Variants in MACC1 observed in about 807,000 individuals in gnomAD.
The protein encoded by MACC1 is MET transcriptional regulator MACC1, also known as metastasis-associated in colon cancer protein 1.
Under a neutral mutation model 70.7 loss-of-function variants are expected in MACC1, and 79 were observed. That is an observed-to-expected ratio of 1.12 (90% CI 0.93 to 1.35). MACC1 has a LOEUF of 1.35. MACC1 is among the 40% of genes most tolerant of loss of function. The pLI, the probability that MACC1 is intolerant of heterozygous loss-of-function variation, is 0.00. For synonymous variants in MACC1, 361 were observed against 347.2 expected (o/e 1.04, Z -0.44); for missense variants, 1,106 against 978.1 (o/e 1.13, Z -1.74).
At chr7:20,171,505 C>T (rs1003379568) in intron 1 of MACC1, among the ~76,000 whole-genome samples, 2 of 151,882 alleles carry the variant, frequency 1.3e-5, no homozygotes, top group Admixed American at 6.6e-5. Flanking sequence ...CCGCCTGCCT[C>T]GGCCTCCCAA....
At chr7:20,143,063 G>A (rs1053161983) in intron 6 of MACC1, among the ~76,000 whole-genome samples, 24 of 152,206 alleles carry the variant, frequency 1.6e-4, no homozygotes, top group African/African-American at 5.8e-4. Context: ...GGGTAATTTT[G>A]GGGTTGTCCA....
In MACC1 at chr7:20,137,541, A is replaced by T. The variant is rs1029322164; in HGVS notation, c.*3405T>A. 2 of 152,332 alleles carry T rather than the reference A, an allele frequency of 1.3e-5. No individual in the cohort carries two copies. Among genetic ancestry groups the T allele is most frequent in the Admixed American group, 6.5e-5 (1 of 15,314 alleles). The allele number at this position is 152,332 out of a possible 1,614,324, so 9.4% of individuals were successfully genotyped here. ...GGCACTTAATTCAAATCTTATCCTA[A>T]GTCACGCATCATTAGACAAAAAGCC... On this transcript the variant is annotated 3_prime_UTR_variant, in exon 7 of 7. Transcript: ENST00000400331.
In MACC1 at chr7:20,161,793, T is replaced by C; in HGVS notation, c.70A>G (p.Ile24Val). Residue 24 changes from isoleucine to valine, a missense_variant, in exon 4 of 7, where the codon ATT (isoleucine) becomes GTT (valine). By Grantham distance (29) the Ile-to-Val change is conservative. Transcript: ENST00000400331. Reference protein sequence around the residue: ...IAQSMSEANLIDMEAGKLSKS... With the variant: ...IAQSMSEANLVDMEAGKLSKS... ...GAGAGTTTTCCAGCTTCCATGTCAATCAAATTTGCTTCAGACATACTTTGT... is the reference window on the plus strand; with the variant it reads ...GAGAGTTTTCCAGCTTCCATGTCAACCAAATTTGCTTCAGACATACTTTGT... 6.2e-7 allele frequency: 1 copy of C among 1,612,624 alleles called. No individual in the cohort carries two copies. Among genetic ancestry groups the C allele is most frequent in the South Asian group, 1.1e-5 (1 of 91,016 alleles).
intron 1 of MACC1, among the ~76,000 whole-genome samples, chr7:20,207,490 A>G (rs1384429098): frequency 2.0e-5 from 3 of 152,034 alleles, no homozygotes; most frequent in South Asian, 2.1e-4. Flanking sequence ...CTTCTCCTCT[A>G]TAATATGGTG....
rs578170498 is a variant in MACC1, at chr7:20,202,135, AAT to A, written c.-218+15162_-218+15163del. On this transcript the variant is annotated intron_variant, in intron 1 of 6. Transcript: ENST00000400331. ...CCATGTCCGCACATCCAAGCCAGTG[AAT>A]AGTTTCTTCGACAATCATACCAAAG... is the stretch of plus-strand genomic sequence containing the variant. Among the ~76,000 whole-genome samples, 111 of 152,360 alleles carry A rather than the reference AAT, an allele frequency of 7.3e-4. 1 individual carries two copies. Among genetic ancestry groups the A allele is most frequent in the African/African-American group, 2.6e-3 (107 of 41,588 alleles).
chr7:20,176,691 G>A (rs1583397775), intron 1 of MACC1, among the ~76,000 whole-genome samples: 1 of 152,232 alleles, frequency 6.6e-6, no homozygotes, highest in African/African-American at 2.4e-5. Context: ...CCTTCAGTGA[G>A]TAAATGATTT....
chr7:20,179,984 G>A (rs1782475546), intron 1 of MACC1, among the ~76,000 whole-genome samples: 1 of 152,056 alleles, frequency 6.6e-6, no homozygotes, highest in Non-Finnish European at 1.5e-5. Flanking sequence ...TTTACTATGA[G>A]CTGTTTATTG....
At chr7:20,205,589 T>C (rs1479613642) in intron 1 of MACC1, among the ~76,000 whole-genome samples, 2 of 152,188 alleles carry the variant, frequency 1.3e-5, no homozygotes, top group Admixed American at 1.3e-4. Flanking sequence ...TCATTTGAAA[T>C]AATATTCTCC....
chr7:20,171,455 C>A (rs1431790465), intron 1 of MACC1, among the ~76,000 whole-genome samples: 1 of 151,196 alleles, frequency 6.6e-6, no homozygotes, highest in Non-Finnish European at 1.5e-5. Context: ...GGAATTTCAC[C>A]GTGTTAGCCA....
chr7:20,188,098 A>C (rs1034538342), intron 1 of MACC1, among the ~76,000 whole-genome samples: 2 of 152,134 alleles, frequency 1.3e-5, no homozygotes, highest in African/African-American at 4.8e-5. Context: ...AAACCACAAG[A>C]TCTCCTGACA....
chr7:20,194,636 T>C (rs748675301), intron 1 of MACC1, among the ~76,000 whole-genome samples: 1 of 152,228 alleles, frequency 6.6e-6, no homozygotes, highest in Non-Finnish European at 1.5e-5. Flanking sequence ...AATTTTACAT[T>C]CATGCAAAAC....
chr7:20,191,493 T>C (rs540685534), intron 1 of MACC1, among the ~76,000 whole-genome samples: 11 of 152,084 alleles, frequency 7.2e-5, no homozygotes, highest in Non-Finnish European at 1.5e-4. Flanking sequence ...TGCTGCTCTG[T>C]AGGAGTTGGT....
rs1287964169 is a variant in MACC1 at position 20,147,463 on chromosome 7, A to C, written c.2347-6305T>G. 3 of 152,372 alleles carry C rather than the reference A, an allele frequency of 2.0e-5. No homozygotes were observed. In the East Asian group the frequency reaches 5.8e-4, roughly 29 times the overall value. 9.4% of individuals were successfully genotyped at this position (152,372 alleles called of 1,614,324 possible). A position where few individuals can be genotyped will look rare whatever the true frequency, so the allele number is the denominator to read the frequency against. On this transcript the variant is annotated intron_variant, in intron 6 of 6. Transcript: ENST00000400331. The stretch of plus-strand genomic sequence containing the variant: ...CATTTTCAGTACCATTAGCTGAAGA[A>C]GTATTAAGGCAAGGTTGCCTTCTTA...
chr7:20,184,800 G>C (rs558886013), intron 1 of MACC1, among the ~76,000 whole-genome samples: 1 of 152,198 alleles, frequency 6.6e-6, no homozygotes, highest in South Asian at 2.1e-4. Flanking sequence ...ACATTTGAAA[G>C]AAATGATGTA....
chr7:20,193,026 TG>T (rs1782695816), intron 1 of MACC1, among the ~76,000 whole-genome samples: 1 of 152,194 alleles, frequency 6.6e-6, no homozygotes, highest in South Asian at 2.1e-4. Flanking sequence ...TTTCTTAAGA[TG>T]CCCCTGTTGC....
At chr7:20,160,538 T>G (rs573837254) in intron 4 of MACC1, among the ~76,000 whole-genome samples, 1 of 152,240 alleles carries the variant, frequency 6.6e-6, no homozygotes, top group Admixed American at 6.5e-5. Context: ...AATAATATAT[T>G]TAACACATTT....
At chr7:20,189,629 G>C (rs886477504) in intron 1 of MACC1, among the ~76,000 whole-genome samples, 2 of 152,108 alleles carry the variant, frequency 1.3e-5, no homozygotes, top group African/African-American at 4.8e-5. Context: ...GCTCTGGAAA[G>C]CATAACCAAG....
At chr7:20,189,603 C>T (rs1393906109) in intron 1 of MACC1, among the ~76,000 whole-genome samples, 2 of 152,040 alleles carry the variant, frequency 1.3e-5, no homozygotes, top group Non-Finnish European at 2.9e-5. Flanking sequence ...AAAGAAATGC[C>T]AGCAACAGTG....
At chr7:20,194,104 C>G (rs1449725157) in intron 1 of MACC1, among the ~76,000 whole-genome samples, 1 of 152,254 alleles carries the variant, frequency 6.6e-6, no homozygotes, top group African/African-American at 2.4e-5. Flanking sequence ...CACCACAGAA[C>G]TACCCACATC....
Sources: allele counts gnomAD v4.1 joint callset (sites outside exome capture counted in the v4.1 genomes callset), GRCh38; gene constraint gnomAD v4.1.1; transcripts MANE v1.5; gene names NCBI Gene and HGNC (gene_info 2026-07-23, HGNC 2026-07-21).